The following MTOR variants were observed in gnomAD, a reference collection of about 807,000 sequenced individuals.
MTOR encodes mechanistic target of rapamycin kinase, also known as serine/threonine-protein kinase mTOR.
Under a neutral mutation model 319.8 loss-of-function variants are expected in MTOR, and 70 were observed. That is an observed-to-expected ratio of 0.22 (90% CI 0.18 to 0.27). MTOR has a LOEUF of 0.27. Ranked by LOEUF, MTOR falls within the 10% of genes least tolerant of loss-of-function variation. The pLI, the probability that MTOR is intolerant of heterozygous loss-of-function variation, is 1.00. For synonymous variants in MTOR, 1,183 were observed against 1,211.4 expected (o/e 0.98, Z 0.49); for missense variants, 1,890 against 3,274.4 (o/e 0.58, Z 10.32).
In MTOR at chr1:11,129,417, A is replaced by G. The variant is rs770450372; in HGVS notation, c.5714+321T>C. ...TCCAAGTTGCTGAGGGATTTTAGAA[A>G]TACTGTGACTTCAATAGGCAACAGG... On this transcript the variant is annotated intron_variant, in intron 40 of 57. Coordinates refer to ENST00000361445, the MANE Select transcript of MTOR (RefSeq NM_004958.4). The surrounding 1 kb of genome is among the most constrained non-coding windows in gnomAD (Gnocchi z 4.7). 4.3e-4 allele frequency among the ~76,000 whole-genome samples: 66 copies of G among 152,336 alleles called. No homozygotes were observed. The highest frequency in any genetic ancestry group is 8.2e-4 in the Non-Finnish European group (56 of 68,030).
intron 20 of MTOR, among the ~76,000 whole-genome samples, chr1:11,214,761 G>C (rs1430820464): frequency 1.3e-5 from 2 of 152,104 alleles, no homozygotes. Flanking sequence ...TGTTTTCTAG[G>C]TTAAAAGTGT....
chr1:11,193,839 CG>C lies in MTOR; in HGVS notation c.4253+5418del, dbSNP rs755327314. 2.0e-4 allele frequency: 295 copies of C among 1,494,428 alleles called. 1 individual carries two copies. Among genetic ancestry groups the C allele is most frequent in the Non-Finnish European group, 2.5e-4 (267 of 1,085,950 alleles). 92.6% of individuals were successfully genotyped at this position (1,494,428 alleles called of 1,614,324 possible). A position where few individuals can be genotyped will look rare whatever the true frequency, so the allele number is the denominator to read the frequency against. ...CACCACACATGACCGCGTACAACTC[CG>C]GGGGTGCCATTCCTATTCTGATTCA... On this transcript the variant is annotated intron_variant, in intron 28 of 57. Coordinates refer to ENST00000361445, the MANE Select transcript of MTOR (RefSeq NM_004958.4).
At chr1:11,193,900 T>G (rs1053537834) in intron 28 of MTOR, 2 of 1,075,500 alleles carry the variant, frequency 1.9e-6, no homozygotes, top group Non-Finnish European at 2.6e-6. Context: ...ATGGTTTTCC[T>G]GCAAGTTGTA....
chr1:11,214,240 A>G (rs1019790769), intron 20 of MTOR, among the ~76,000 whole-genome samples: 1 of 152,204 alleles, frequency 6.6e-6, no homozygotes, highest in East Asian at 1.9e-4. Flanking sequence ...ATAGCATCTG[A>G]TATCTGTCCC....
chr1:11,249,832 A>G (rs969587541), intron 6 of MTOR, among the ~76,000 whole-genome samples: 2 of 150,554 alleles, frequency 1.3e-5, no homozygotes, highest in Non-Finnish European at 3.0e-5. Context: ...CTACACAGAC[A>G]CGGCAACCAT....
chr1:11,154,894 C>T (rs1300947127), intron 30 of MTOR, among the ~76,000 whole-genome samples: 1 of 151,716 alleles, frequency 6.6e-6, no homozygotes, highest in Non-Finnish European at 1.5e-5. Context: ...ACCTGTAATC[C>T]TAGCACTTTG....
intron 56 of MTOR, 73 bp from the exon 57 acceptor site, chr1:11,108,359 A>C: frequency 8.6e-7 from 1 of 1,164,526 alleles, no homozygotes; most frequent in Non-Finnish European, 1.3e-6. Context: ...CTGTGGGCTT[A>C]ACTGTCTATG....
intron 34 of MTOR, among the ~76,000 whole-genome samples, chr1:11,143,010 A>G (rs1334856775): frequency 1.3e-5 from 2 of 152,212 alleles, no homozygotes; most frequent in Non-Finnish European, 2.9e-5. Context: ...CATCCACAAG[A>G]GCCAAATTTC....
chr1:11,228,965 T>C (rs1164215245), intron 18 of MTOR, 47 bp from the exon 19 acceptor site: 2 of 1,603,074 alleles, frequency 1.2e-6, no homozygotes, highest in South Asian at 2.2e-5. Flanking sequence ...TGGCATGACG[T>C]GACTTCAGGC....
chr1:11,241,770 TTACTCA>T, intron 9 of MTOR, 89 bp from the exon 10 acceptor site: 7 of 1,504,136 alleles, frequency 4.7e-6, no homozygotes, highest in Non-Finnish European at 6.3e-6. Flanking sequence ...GGAGAGCAGG[TTACTCA>T]GGCAGGGCTA....
intron 19 of MTOR, among the ~76,000 whole-genome samples, chr1:11,220,826 T>C (rs1266175418): frequency 6.6e-6 from 1 of 152,154 alleles, no homozygotes; most frequent in Non-Finnish European, 1.5e-5. Context: ...AAATCTGTGT[T>C]AAGCCACTAA....
chr1:11,228,434 C>A (rs1211618096), intron 19 of MTOR, among the ~76,000 whole-genome samples: 1 of 152,064 alleles, frequency 6.6e-6, no homozygotes, highest in Non-Finnish European at 1.5e-5. Flanking sequence ...GGTGATCTGC[C>A]CACTTCGGCC....
At chr1:11,241,788 C>T in intron 9 of MTOR, 107 bp from the exon 10 acceptor site, 1 of 1,277,798 alleles carries the variant, frequency 7.8e-7, no homozygotes, top group Non-Finnish European at 1.1e-6. Flanking sequence ...GCAGGGCTAC[C>T]ACAGATGGGT....
At chr1:11,108,043 G>T in intron 57 of MTOR, 138 bp downstream of exon 57, 2 of 610,806 alleles carry the variant, frequency 3.3e-6, no homozygotes, top group Non-Finnish European at 5.8e-6. Context: ...CAGTAAATAT[G>T]AATTTTTAAA....
rs558903607 is a variant in MTOR, at chr1:11,108,177, T to C, written c.7634+4A>G. On this transcript the variant is annotated splice_donor_region_variant and intron_variant, in intron 57 of 57. Coordinates refer to ENST00000361445, the MANE Select transcript of MTOR (RefSeq NM_004958.4). The stretch of plus-strand genomic sequence containing the variant: ...AACAAAGTCACTTTGAGAGCCCCAC[T>C]CACCAGCCAATATAGCACTGGCAGA... The C allele has an allele frequency of 1.7e-5, 27 of 1,611,926 alleles. No individual in the cohort carries two copies. The East Asian group carries it at 3.6e-4, about 21-fold the overall frequency.
chr1:11,193,811 T>C, intron 28 of MTOR: 4 of 1,607,268 alleles, frequency 2.5e-6, no homozygotes, highest in Non-Finnish European at 3.4e-6. Flanking sequence ...ACTGGACCAG[T>C]GCCACCACAC....
At chr1:11,255,022 C>T (rs961465662) in intron 5 of MTOR, among the ~76,000 whole-genome samples, 1 of 152,096 alleles carries the variant, frequency 6.6e-6, no homozygotes, top group Admixed American at 6.6e-5. Flanking sequence ...CCTTGGCCTC[C>T]CAAAATGTTG....
chr1:11,107,626 G>T, intron 57 of MTOR, 126 bp from the exon 58 acceptor site: 2 of 961,136 alleles, frequency 2.1e-6, no homozygotes, highest in Non-Finnish European at 3.1e-6. Context: ...CTCTCCCACA[G>T]CTAATTGCAT....
At position 11,139,389 on chromosome 1, in the gene MTOR, G is replaced by A; in HGVS notation, c.5045C>T (p.Ser1682Phe). 1 of 1,613,932 alleles carries A rather than the reference G, an allele frequency of 6.2e-7. No individual in the cohort carries two copies. Among genetic ancestry groups the A allele is most frequent in the Non-Finnish European group, 8.5e-7 (1 of 1,179,976 alleles). The change falls in exon 36 of 58, where the codon TCT becomes TTT. Residue 1682 changes from serine to phenylalanine, a missense_variant. By Grantham distance (155) the Ser-to-Phe change is radical. Coordinates refer to ENST00000361445, the MANE Select transcript of MTOR (RefSeq NM_004958.4). ...TGGCAGAGGATGGTCAAGTTGCCGA[G>A]ACGGATCAACTCCCAGGAGCAACAC... ...TLVLLLGVDPSRQLDHPLPTV... is the reference protein window; with the variant it reads ...TLVLLLGVDPFRQLDHPLPTV...
Sources: gnomAD v4.1 joint callset for allele counts (sites outside exome capture counted in the v4.1 genomes callset) on GRCh38, gnomAD v4.1.1 for gene constraint, Gnocchi (gnomAD v3.1) non-coding constraint, MANE v1.5 for transcripts, NCBI Gene and HGNC (gene_info 2026-07-23, HGNC 2026-07-21) for gene names.